The following ABCD3 variants were observed in gnomAD, a reference collection of about 807,000 sequenced individuals.
ABCD3 encodes the protein ATP-binding cassette sub-family D member 3.
In ABCD3, 41 loss-of-function variants were observed where a neutral mutation model predicts 105.5. The ratio of observed to expected loss-of-function variants is 0.39; its 90% CI spans 0.30 to 0.50. ABCD3 has a LOEUF of 0.50. Ranked by LOEUF, ABCD3 falls within the 20% of genes least tolerant of loss-of-function variation. ABCD3 has a pLI of 0.84. For synonymous variants in ABCD3, 258 were observed against 269.0 expected (o/e 0.96, Z 0.40); for missense variants, 622 against 806.3 (o/e 0.77, Z 2.77).
intron 2 of ABCD3, among the ~76,000 whole-genome samples, chr1:94,463,260 C>A (rs1647964979): frequency 6.6e-6 from 1 of 152,140 alleles, no homozygotes; most frequent in East Asian, 1.9e-4. Flanking sequence ...CTATTGTAGT[C>A]TTTCTAGTCT....
rs1237022941 is a variant in ABCD3, at chr1:94,435,031, CCTTT to C, written c.110+16451_110+16454del. ...CATATCCCCCTGCCACCTCCCTTTC[CCTTT>C]CTTTCTTACAGTTTATTCCCTGAAG... On this transcript the variant is annotated intron_variant, in intron 1 of 22. Transcript: ENST00000370214. Among the ~76,000 whole-genome samples the C allele has an allele frequency of 2.6e-5, 4 of 152,122 alleles. No individual in the cohort carries two copies. The South Asian group carries it at 8.3e-4, about 32-fold the overall frequency.
chr1:94,500,817 G>A (rs535446400), intron 20 of ABCD3, among the ~76,000 whole-genome samples: 3 of 152,192 alleles, frequency 2.0e-5, no homozygotes, highest in African/African-American at 7.2e-5. Flanking sequence ...TGAATCTAGT[G>A]TGAAGAGTAA....
In ABCD3 at chr1:94,418,400, C is replaced by A. The variant is rs1379060880; in HGVS notation, c.-79C>A. ...CCCTCTGCTCTCCTCCCAGTCTCCCCCGCGCTGCGTGCAGTAAGGTAGCCG... is the reference window on the plus strand; with the variant it reads ...CCCTCTGCTCTCCTCCCAGTCTCCCACGCGCTGCGTGCAGTAAGGTAGCCG... On this transcript the variant is annotated 5_prime_UTR_variant, in exon 1 of 23. Transcript: ENST00000370214. The A allele has an allele frequency of 4.7e-6, 6 of 1,288,624 alleles. No individual in the cohort carries two copies. In the East Asian group the frequency reaches 1.5e-4, roughly 33 times the overall value. 79.8% of individuals were successfully genotyped at this position (1,288,624 alleles called of 1,614,324 possible).
chr1:94,516,914 G>A (rs980941454), intron 22 of ABCD3, 138 bp from the exon 23 acceptor site: 8 of 712,612 alleles, frequency 1.1e-5, no homozygotes, highest in Middle Eastern at 3.7e-4. Context: ...ATGGAGTTAC[G>A]GAAGCATTCT....
At chr1:94,414,271 C>T (rs560970854), upstream of ABCD3, among the ~76,000 whole-genome samples, 5 of 152,206 alleles carry the variant, frequency 3.3e-5, no homozygotes, top group African/African-American at 1.2e-4. Context: ...TCTGTGTCTC[C>T]GACCTTGGGT....
At chr1:94,425,975 A>G (rs1659451551) in intron 1 of ABCD3, among the ~76,000 whole-genome samples, 1 of 152,166 alleles carries the variant, frequency 6.6e-6, no homozygotes, top group Non-Finnish European at 1.5e-5. Context: ...AGTAGTATTT[A>G]CTCACTCACT....
At chr1:94,499,133 G>A in intron 19 of ABCD3, 99 bp downstream of exon 19, 2 of 1,124,122 alleles carry the variant, frequency 1.8e-6, no homozygotes, top group Non-Finnish European at 2.7e-6. Context: ...ATCTTAAGCT[G>A]TAAAGCCTTC....
At chr1:94,392,217 A>G in the ABCD3 span, among the ~76,000 whole-genome samples, 2 of 152,148 alleles carry the variant, frequency 1.3e-5, no homozygotes, top group Non-Finnish European at 2.9e-5. Flanking sequence ...AGCCAATAGG[A>G]TGCATGTGGA....
chr1:94,414,339 T>G (rs974364888), upstream of ABCD3, among the ~76,000 whole-genome samples: 11 of 152,144 alleles, frequency 7.2e-5, no homozygotes, highest in African/African-American at 2.7e-4. Flanking sequence ...ATGTAAAAAT[T>G]TTCTTCCTAT....
Position 94,431,226 on chromosome 1 carries a change from C to T in ABCD3, c.110+12638C>T, listed in dbSNP as rs531523290. ...TGTGGCTAAAAAAGGTAAAAATATGCGAAAAAGAAGAATTTGAGATAAAAT... is the reference window on the plus strand; with the variant it reads ...TGTGGCTAAAAAAGGTAAAAATATGTGAAAAAGAAGAATTTGAGATAAAAT... On this transcript the variant is annotated intron_variant, in intron 1 of 22. Coordinates refer to ENST00000370214, the MANE Select transcript of ABCD3 (RefSeq NM_002858.4). 9.0e-4 allele frequency among the ~76,000 whole-genome samples: 137 copies of T among 152,114 alleles called. 1 individual carries two copies. Among genetic ancestry groups the T allele is most frequent in the African/African-American group, 3.1e-3 (127 of 41,498 alleles).
intron 1 of ABCD3, among the ~76,000 whole-genome samples, chr1:94,420,360 C>T (rs2100863291): frequency 6.6e-6 from 1 of 152,128 alleles, no homozygotes; most frequent in Middle Eastern, 3.4e-3. Flanking sequence ...GAAATAGTAG[C>T]GATAGAAGTA....
Position 94,515,184 on chromosome 1 carries a change from T to C in ABCD3, c.1884T>C (p.Ser628=). 1 of 1,610,162 alleles carries C rather than the reference T, an allele frequency of 6.2e-7. No individual in the cohort carries two copies. The highest frequency in any genetic ancestry group is 8.5e-7 in the Non-Finnish European group (1 of 1,177,282). The part of the protein sequence containing the change: ...ITLFTVSHRK[S]LWKHHEYYLH... Reference sequence around the variant, plus strand: ...TCTTCACTGTGTCTCATAGGAAATCTCTTTGGAAACATCATGAGGTTTGTA... The same window carrying C: ...TCTTCACTGTGTCTCATAGGAAATCCCTTTGGAAACATCATGAGGTTTGTA... Residue 628 remains serine (S), a synonymous_variant, in exon 22 of 23, where the codon TCT becomes TCC. Coordinates refer to ENST00000370214, the MANE Select transcript of ABCD3 (RefSeq NM_002858.4).
the ABCD3 span, among the ~76,000 whole-genome samples, chr1:94,408,378 T>C: frequency 6.6e-6 from 1 of 150,954 alleles, no homozygotes; most frequent in African/African-American, 2.4e-5. Flanking sequence ...AGGTGAGGAG[T>C]TTAAGACCAG....
intron 1 of ABCD3, chr1:94,418,871 C>T (rs1282513264): frequency 2.0e-6 from 1 of 508,538 alleles, no homozygotes; most frequent in Non-Finnish European, 3.5e-6. Context: ...AGGCAGCGGC[C>T]TCCAGTTGGG....
chr1:94,515,216 T>G lies in ABCD3; in HGVS notation c.1902+14T>G. 2.5e-6 allele frequency: 4 copies of G among 1,593,540 alleles called. No homozygotes were observed. The highest frequency in any genetic ancestry group is 3.4e-6 in the Non-Finnish European group (4 of 1,162,392). On this transcript the variant is annotated intron_variant, in intron 22 of 22. Coordinates refer to ENST00000370214, the MANE Select transcript of ABCD3 (RefSeq NM_002858.4). ...AAACATCATGAGGTTTGTATTTCTT[T>G]CATTGAATGGTACAGTGAAATTTTA... is the stretch of plus-strand genomic sequence containing the variant.
At chr1:94,487,505 G>T (rs2101019781) in intron 10 of ABCD3, 37 bp from the exon 11 acceptor site, 1 of 1,585,900 alleles carries the variant, frequency 6.3e-7, no homozygotes, top group South Asian at 1.1e-5. Context: ...TTTTTATACA[G>T]AGAAAAAGAT....
At chr1:94,472,231 G>T in intron 4 of ABCD3, 1 of 980,658 alleles carries the variant, frequency 1.0e-6, no homozygotes, top group Middle Eastern at 5.2e-4. Context: ...ATTTATAGCT[G>T]CTACTCCAAT....
In ABCD3 at chr1:94,428,080, T is replaced by TG. The variant is rs1570733757; in HGVS notation, c.110+9492_110+9493insG. Among the ~76,000 whole-genome samples the TG allele has an allele frequency of 3.3e-5, 5 of 151,956 alleles. No homozygotes were observed. In the South Asian group the frequency reaches 1.0e-3, roughly 31 times the overall value. On this transcript the variant is annotated intron_variant, in intron 1 of 22. Coordinates refer to ENST00000370214, the MANE Select transcript of ABCD3 (RefSeq NM_002858.4). ...GTATGCTAAAAGGTGTTTTGTTTTT[T>TG]TTTTTATTTTTTATTTTTTTGCCAC...
the ABCD3 span, among the ~76,000 whole-genome samples, chr1:94,405,859 T>C: frequency 6.6e-6 from 1 of 152,182 alleles, no homozygotes. Flanking sequence ...AGGCTGCAAA[T>C]GTTTTCTTCT....
Sources: allele counts gnomAD v4.1 joint callset (sites outside exome capture counted in the v4.1 genomes callset), GRCh38; gene constraint gnomAD v4.1.1; transcripts MANE v1.5; gene names NCBI Gene and HGNC (gene_info 2026-07-23, HGNC 2026-07-21).